Variants in AK7 observed in about 807,000 individuals in gnomAD.
AK7 encodes ATP-AMP transphosphorylase 7.
In AK7, 78 loss-of-function variants were observed where a neutral mutation model predicts 96.6. That is an observed-to-expected ratio of 0.81 (90% CI 0.67 to 0.97). The LOEUF (loss-of-function observed/expected upper bound fraction) is 0.97, where lower values mean the gene tolerates loss of function less well. AK7 is among the 50% of genes least tolerant of loss of function. AK7 has a pLI of 0.00. For synonymous variants in AK7, 302 were observed against 317.2 expected (o/e 0.95, Z 0.51); for missense variants, 855 against 887.9 (o/e 0.96, Z 0.47).
intron 1 of AK7, among the ~76,000 whole-genome samples, chr14:96,394,442 A>T (rs1166598247): frequency 1.3e-5 from 2 of 152,218 alleles, no homozygotes; most frequent in Non-Finnish European, 2.9e-5. Flanking sequence ...TATAATGTTT[A>T]AATTTTTTTT....
intron 12 of AK7, among the ~76,000 whole-genome samples, chr14:96,468,211 T>G (rs563395001): frequency 8.3e-6 from 1 of 120,758 alleles, no homozygotes; most frequent in East Asian, 2.9e-4. Flanking sequence ...GGAGACCCTG[T>G]CTCAAAAAAA....
At chr14:96,407,393 G>C (rs188039934) in intron 3 of AK7, among the ~76,000 whole-genome samples, 1 of 152,046 alleles carries the variant, frequency 6.6e-6, no homozygotes, top group Non-Finnish European at 1.5e-5. Context: ...ATTCAATAAC[G>C]CTTTCTCGTT....
At chr14:96,392,525 TAA>T (rs1889812189) in intron 1 of AK7, among the ~76,000 whole-genome samples, 1 of 152,350 alleles carries the variant, frequency 6.6e-6, no homozygotes, top group Admixed American at 6.5e-5. Context: ...AAACTGAGGC[TAA>T]GAGGCAGGGA....
chr14:96,420,380 A>G (rs1891609652), intron 4 of AK7, among the ~76,000 whole-genome samples: 1 of 151,754 alleles, frequency 6.6e-6, no homozygotes. Flanking sequence ...CTGTAATCTC[A>G]GCTACTTGGG....
At chr14:96,397,969 G>A in intron 1 of AK7, 106 bp from the exon 2 acceptor site, 2 of 1,151,382 alleles carry the variant, frequency 1.7e-6, no homozygotes, top group Admixed American at 4.1e-5. Flanking sequence ...TTGCCTTGGT[G>A]GCACCCAGCA....
intron 15 of AK7, among the ~76,000 whole-genome samples, chr14:96,482,584 T>C (rs903342571): frequency 6.6e-6 from 1 of 152,234 alleles, no homozygotes; most frequent in Non-Finnish European, 1.5e-5. Flanking sequence ...ATTGAAAATG[T>C]ATCCCAGTAT....
At chr14:96,413,989 A>C (rs898489118) in intron 4 of AK7, among the ~76,000 whole-genome samples, 23 of 152,184 alleles carry the variant, frequency 1.5e-4, no homozygotes, top group African/African-American at 5.5e-4. Flanking sequence ...CTTCTTGCCG[A>C]TGATTGGCTA....
At chr14:96,469,546 C>T (rs996515699) in intron 12 of AK7, among the ~76,000 whole-genome samples, 3 of 152,018 alleles carry the variant, frequency 2.0e-5, no homozygotes, top group Middle Eastern at 6.8e-3. Context: ...AGAAAATAGA[C>T]GGCTTAAATA....
chr14:96,458,386 A>G (rs1438974165), intron 12 of AK7, among the ~76,000 whole-genome samples, 174 bp downstream of exon 12: 1 of 152,154 alleles, frequency 6.6e-6, no homozygotes, highest in Non-Finnish European at 1.5e-5. Flanking sequence ...ACTTGAGGCC[A>G]GGAGTTTGAG....
At chr14:96,406,224 C>T (rs1026614856) in intron 3 of AK7, among the ~76,000 whole-genome samples, 2 of 152,216 alleles carry the variant, frequency 1.3e-5, no homozygotes, top group African/African-American at 4.8e-5. Flanking sequence ...GCCAAGCAAC[C>T]TCATTTAATA....
At chr14:96,449,745 T>C in intron 8 of AK7, 57 bp from the exon 9 acceptor site, 1 of 1,383,274 alleles carries the variant, frequency 7.2e-7, no homozygotes, top group Non-Finnish European at 1.0e-6. Flanking sequence ...ATTTGAGTTT[T>C]ATATAAAGTA....
chr14:96,438,876 A>C lies in AK7; in HGVS notation c.690+961A>C, dbSNP rs575283004. 3.3e-5 allele frequency among the ~76,000 whole-genome samples: 5 copies of C among 152,310 alleles called. No homozygotes were observed. In the South Asian group the frequency reaches 1.0e-3, roughly 32 times the overall value. On this transcript the variant is annotated intron_variant, in intron 6 of 17. Transcript: ENST00000267584. ...GGATACTGGAAACTGTTCAGATTTC[A>C]GACGTATTTTGAAGAGAGAGTCAAT...
intron 1 of AK7, among the ~76,000 whole-genome samples, 181 bp downstream of exon 1, chr14:96,392,440 T>A (rs10149258): frequency 0.54 from 82,417 of 151,980 alleles, 23,294 homozygotes; most frequent in Non-Finnish European, 0.63. Flanking sequence ...CCCAGGCTGG[T>A]CAAGAGATTC....
At chr14:96,472,841 G>A in intron 14 of AK7, 86 bp downstream of exon 14, 1 of 1,142,434 alleles carries the variant, frequency 8.8e-7, no homozygotes, top group Non-Finnish European at 1.3e-6. Flanking sequence ...CAGAACTTTG[G>A]GAGGCCAAGG....
At chr14:96,420,979 C>A in intron 5 of AK7, 47 bp downstream of exon 5, 1 of 1,325,926 alleles carries the variant, frequency 7.5e-7, no homozygotes, top group Non-Finnish European at 1.1e-6. Flanking sequence ...AGTCTTTAAA[C>A]ATCTCTTTGT....
At chr14:96,404,150 T>TAAAAAAAAA (rs34091316) in intron 2 of AK7, among the ~76,000 whole-genome samples, 3 of 99,754 alleles carry the variant, frequency 3.0e-5, no homozygotes, top group Middle Eastern at 5.4e-3. Flanking sequence ...TGTCTCAAAT[T>TAAAAAAAAA]AAAAAAAAAA....
rs769109512 is a variant in AK7, at chr14:96,398,273, G to A, written c.294+10G>A. 1.7e-5 allele frequency: 27 copies of A among 1,612,010 alleles called. No individual in the cohort carries two copies. The South Asian group carries it at 1.9e-4, about 11-fold the overall frequency. On this transcript the variant is annotated intron_variant, in intron 2 of 17. Coordinates refer to ENST00000267584, the MANE Select transcript of AK7 (RefSeq NM_152327.5). ...GGTGGAGACGTACTCTGTAAGTCCC[G>A]GAGGCTCTGGCCAGGAGTAGACAGA...
rs1385191782 is a variant in AK7, at chr14:96,399,136, G to T, written c.294+873G>T. The T allele has an allele frequency of 6.6e-6, 1 of 152,140 alleles. No homozygotes were observed. Among genetic ancestry groups the T allele is most frequent in the Admixed American group, 6.5e-5 (1 of 15,276 alleles). 9.4% of individuals were successfully genotyped at this position (152,140 alleles called of 1,614,324 possible). A position where few individuals can be genotyped will look rare whatever the true frequency, so the allele number is the denominator to read the frequency against. On this transcript the variant is annotated intron_variant, in intron 2 of 17. Transcript: ENST00000267584. The surrounding 1 kb of genome is among the most constrained non-coding windows in gnomAD (Gnocchi z 4.1). ...GATCATAGTGCTTTTCACACTCGTT[G>T]TTATCACCTGTCTATCGTGGGGGTC... is the stretch of plus-strand genomic sequence containing the variant.
At position 96,458,960 on chromosome 14, in the gene AK7, CAA is replaced by C. The variant is rs140583147; in HGVS notation, c.1357+757_1357+758del. On this transcript the variant is annotated intron_variant, in intron 12 of 17. Transcript: ENST00000267584. ...AAAAGGTGAAGTACAGAAATTATAACAAAAAAAAAATCCTTCATAATCTCATT... is the reference window on the plus strand; with the variant it reads ...AAAAGGTGAAGTACAGAAATTATAACAAAAAAAATCCTTCATAATCTCATT... 1.2e-4 allele frequency among the ~76,000 whole-genome samples: 15 copies of C among 128,228 alleles called. 1 individual carries two copies. The Admixed American group carries it at 1.2e-3, about 11-fold the overall frequency. The allele number at this position is 128,228 out of a possible 152,430, so 84.1% of individuals were successfully genotyped here.
Sources: allele counts gnomAD v4.1 joint callset (sites outside exome capture counted in the v4.1 genomes callset), GRCh38; gene constraint gnomAD v4.1.1; non-coding constraint Gnocchi (gnomAD v3.1); transcripts MANE v1.5; gene names NCBI Gene and HGNC (gene_info 2026-07-23, HGNC 2026-07-21).